The following AGPAT4 variants were observed in gnomAD, a reference collection of about 807,000 sequenced individuals.
The protein encoded by AGPAT4 is 1-acylglycerol-3-phosphate O-acyltransferase 4, also known as 1-acyl-sn-glycerol-3-phosphate acyltransferase delta.
A neutral mutation model predicts 48.0 loss-of-function variants in AGPAT4; 15 were observed. The ratio of observed to expected loss-of-function variants is 0.31; its 90% CI spans 0.21 to 0.48. AGPAT4 has a LOEUF of 0.48. AGPAT4 is among the 20% of genes least tolerant of loss of function. AGPAT4 has a pLI of 0.99. For synonymous variants in AGPAT4, 178 were observed against 198.7 expected (o/e 0.90, Z 0.88); for missense variants, 314 against 482.5 (o/e 0.65, Z 3.27).
At position 161,166,250 on chromosome 6, in the gene AGPAT4, C is replaced by T; in HGVS notation, c.346G>A (p.Gly116Arg). 6.2e-7 allele frequency: 1 copy of T among 1,613,882 alleles called. No homozygotes were observed. Among genetic ancestry groups the T allele is most frequent in the Non-Finnish European group, 8.5e-7 (1 of 1,179,892 alleles). ...GGGGGAATGCACTTCTGACTTACCC[C>T]TAACAGCCCAAAGCGTTCGGACAGG... is the stretch of plus-strand genomic sequence containing the variant. ...WSLSERFGLLGGSKVLAKKEL... is the reference protein window; with the variant it reads ...WSLSERFGLLRGSKVLAKKEL... The change falls in exon 3 of 9, where the codon GGG (glycine) becomes AGG (arginine). Residue 116 changes from glycine to arginine, a missense_variant and splice_region_variant. Coordinates refer to ENST00000320285, the MANE Select transcript of AGPAT4 (RefSeq NM_020133.3). The surrounding 1 kb of genome is among the most constrained non-coding windows in gnomAD (Gnocchi z 6.7).
rs879824384 is a variant in AGPAT4, at chr6:161,164,334, C to T, written c.348+1914G>A. Among the ~76,000 whole-genome samples the T allele has an allele frequency of 4.6e-5, 7 of 152,224 alleles. No individual in the cohort carries two copies. Among genetic ancestry groups the T allele is most frequent in the African/African-American group, 7.2e-5 (3 of 41,454 alleles). On this transcript the variant is annotated intron_variant, in intron 3 of 8. Coordinates refer to ENST00000320285, the MANE Select transcript of AGPAT4 (RefSeq NM_020133.3). This position sits in a 1 kb window ranked among gnomAD's most constrained non-coding sequence, Gnocchi z 7.4. ...GCTGGGCATCTGGGTGCTTCTCCAG[C>T]ATCTCTGTGCATGACCCTGCTCTGC...
rs1372474358 is a variant in AGPAT4, at chr6:161,244,400, A to ATACG, written c.-89-12099_-89-12098insCGTA. On this transcript the variant is annotated intron_variant, in intron 1 of 8. Coordinates refer to ENST00000320285, the MANE Select transcript of AGPAT4 (RefSeq NM_020133.3). This position sits in a 1 kb window ranked among gnomAD's most constrained non-coding sequence, Gnocchi z 4.7. ...AATATTTCAAAATACGACAAAAACA[A>ATACG]ATAATAAAAAGCCTTTAAAGTTAAG... Among the ~76,000 whole-genome samples the ATACG allele has an allele frequency of 2.6e-5, 4 of 152,324 alleles. No individual in the cohort carries two copies. The East Asian group carries it at 7.7e-4, about 29-fold the overall frequency.
rs926404290 is a variant in AGPAT4, at chr6:161,158,865, C to G, written c.349-4555G>C. Among the ~76,000 whole-genome samples, 8 of 152,214 alleles carry G rather than the reference C, an allele frequency of 5.3e-5. No individual in the cohort carries two copies. Among genetic ancestry groups the G allele is most frequent in the Non-Finnish European group, 1.2e-4 (8 of 68,036 alleles). ...GCAGGGTATCCTGCTCCTGCACCGC[C>G]TCCACCCCCACTAACACCAGCAAGG... On this transcript the variant is annotated intron_variant, in intron 3 of 8. Coordinates refer to ENST00000320285, the MANE Select transcript of AGPAT4 (RefSeq NM_020133.3). The surrounding 1 kb of genome is among the most constrained non-coding windows in gnomAD (Gnocchi z 5.3).
Position 161,201,198 on chromosome 6 carries a change from G to A in AGPAT4, c.178+30838C>T, listed in dbSNP as rs1781227996. Among the ~76,000 whole-genome samples, 1 of 152,130 alleles carries A rather than the reference G, an allele frequency of 6.6e-6. No homozygotes were observed. Among genetic ancestry groups the A allele is most frequent in the Admixed American group, 6.5e-5 (1 of 15,274 alleles). ...AGCTGGCAGGGGAGTGGGGATTGGA[G>A]GCTGTTCAAGAGAGACTTAATTCTG... On this transcript the variant is annotated intron_variant, in intron 2 of 8. Coordinates refer to ENST00000320285, the MANE Select transcript of AGPAT4 (RefSeq NM_020133.3). The surrounding 1 kb of genome is among the most constrained non-coding windows in gnomAD (Gnocchi z 6.0).
rs1161487125 is a variant in AGPAT4, at chr6:161,130,824, G to A, written c.*5716C>T. On this transcript the variant is annotated 3_prime_UTR_variant, in exon 9 of 9. Coordinates refer to ENST00000320285, the MANE Select transcript of AGPAT4 (RefSeq NM_020133.3). ...GCGTTGTGACTTAGACACTTTACAAGTCTGAGCCATCCCGTACTAGTTCAT... is the reference window on the plus strand; with the variant it reads ...GCGTTGTGACTTAGACACTTTACAAATCTGAGCCATCCCGTACTAGTTCAT... 1.9e-6 allele frequency: 1 copy of A among 518,784 alleles called. No individual in the cohort carries two copies. Among genetic ancestry groups the A allele is most frequent in the African/African-American group, 1.9e-5 (1 of 51,976 alleles). The allele number at this position is 518,784 out of a possible 1,614,324, so 32.1% of individuals were successfully genotyped here.
Position 161,156,874 on chromosome 6 carries a change from C to CCTAT in AGPAT4, c.349-2565_349-2564insATAG, listed in dbSNP as rs1455395006. On this transcript the variant is annotated intron_variant, in intron 3 of 8. Transcript: ENST00000320285. ...CAATCTGTGCCTTAAGGACATGCTC[C>CCTAT]TGCTGCAGTTAACTAGCCCAACCTA... Among the ~76,000 whole-genome samples the CCTAT allele has an allele frequency of 9.9e-3, 1,508 of 152,364 alleles. 27 individuals are homozygous for CCTAT. The highest frequency in any genetic ancestry group is 0.034 in the African/African-American group (1,432 of 41,584).
chr6:161,150,823 G>A (rs1432317429), intron 5 of AGPAT4, among the ~76,000 whole-genome samples: 2 of 152,236 alleles, frequency 1.3e-5, no homozygotes, highest in Admixed American at 6.5e-5. Context: ...CAGCTGTTCA[G>A]GCTGTGTGGA....
rs1779413999 is a variant in AGPAT4, at chr6:161,146,080, G to A, written c.843+444C>T. Among the ~76,000 whole-genome samples, 1 of 151,620 alleles carries A rather than the reference G, an allele frequency of 6.6e-6. No homozygotes were observed. Among genetic ancestry groups the A allele is most frequent in the Non-Finnish European group, 1.5e-5 (1 of 68,030 alleles). ...GAACAGGACAGGGGGCACCACAGCA[G>A]GTTCGAACCCAGCCAAGACCAAGGT... is the stretch of plus-strand genomic sequence containing the variant. On this transcript the variant is annotated intron_variant, in intron 7 of 8. Transcript: ENST00000320285. This position sits in a 1 kb window ranked among gnomAD's most constrained non-coding sequence, Gnocchi z 7.1.
chr6:161,241,254 A>T (rs979743168), intron 1 of AGPAT4, among the ~76,000 whole-genome samples: 1 of 133,722 alleles, frequency 7.5e-6, no homozygotes, highest in Non-Finnish European at 1.6e-5. Flanking sequence ...CAAGAGCAAA[A>T]CTCTGTCTCA....
intron 3 of AGPAT4, among the ~76,000 whole-genome samples, chr6:161,157,538 G>C (rs1967716): frequency 0.31 from 46,410 of 152,032 alleles, 9,102 homozygotes; most frequent in African/African-American, 0.56. Context: ...GTCTCTAACT[G>C]CTGACCTCAG....
At position 161,208,077 on chromosome 6, in the gene AGPAT4, T is replaced by A. The variant is rs934253053; in HGVS notation, c.178+23959A>T. On this transcript the variant is annotated intron_variant, in intron 2 of 8. Coordinates refer to ENST00000320285, the MANE Select transcript of AGPAT4 (RefSeq NM_020133.3). This position sits in a 1 kb window ranked among gnomAD's most constrained non-coding sequence, Gnocchi z 4.6. ...CCTAGGCTTCATTATTAATATTTCC[T>A]CCACCTCACAATCCTGTTAGTCTTG... Among the ~76,000 whole-genome samples, 3 of 152,112 alleles carry A rather than the reference T, an allele frequency of 2.0e-5. No homozygotes were observed. Among genetic ancestry groups the A allele is most frequent in the African/African-American group, 7.2e-5 (3 of 41,402 alleles).
Position 161,138,770 on chromosome 6 carries a change from AC to A in AGPAT4, c.1042+651del, listed in dbSNP as rs1481755283. Among the ~76,000 whole-genome samples, 1 of 152,084 alleles carries A rather than the reference AC, an allele frequency of 6.6e-6. No homozygotes were observed. The highest frequency in any genetic ancestry group is 1.5e-5 in the Non-Finnish European group (1 of 68,020). On this transcript the variant is annotated intron_variant, in intron 8 of 8. Transcript: ENST00000320285. The surrounding 1 kb of genome is among the most constrained non-coding windows in gnomAD (Gnocchi z 4.8). ...GGGAGACAGGGCCTTTCACAGGGAA[AC>A]CCCAAAGTCTTCCTTGGCTCCAGGA...
At chr6:161,271,086 T>C (rs1219149481) in intron 1 of AGPAT4, among the ~76,000 whole-genome samples, 3 of 152,212 alleles carry the variant, frequency 2.0e-5, no homozygotes, top group African/African-American at 7.2e-5. Flanking sequence ...TAACAGTCCT[T>C]CTTTTTCTGA....
At position 161,177,952 on chromosome 6, in the gene AGPAT4, G is replaced by A. The variant is rs1486831544; in HGVS notation, c.179-11535C>T. On this transcript the variant is annotated intron_variant, in intron 2 of 8. Coordinates refer to ENST00000320285, the MANE Select transcript of AGPAT4 (RefSeq NM_020133.3). This position sits in a 1 kb window ranked among gnomAD's most constrained non-coding sequence, Gnocchi z 5.0. Reference sequence around the variant, plus strand: ...GTTTATCTGGGTATCACCAGTGGAGGCTGCAGAACAGCAAATATTACAGAA... The same window carrying A: ...GTTTATCTGGGTATCACCAGTGGAGACTGCAGAACAGCAAATATTACAGAA... 6.6e-6 allele frequency among the ~76,000 whole-genome samples: 1 copy of A among 152,202 alleles called. No individual in the cohort carries two copies. Among genetic ancestry groups the A allele is most frequent in the Non-Finnish European group, 1.5e-5 (1 of 68,038 alleles).
intron 1 of AGPAT4, among the ~76,000 whole-genome samples, chr6:161,273,257 G>T (rs1317002658): frequency 1.3e-5 from 2 of 151,980 alleles, no homozygotes; most frequent in Non-Finnish European, 2.9e-5. Context: ...TTCATAGGCC[G>T]AAAATTAGGT....
Position 161,177,307 on chromosome 6 carries a change from A to T in AGPAT4, c.179-10890T>A, listed in dbSNP as rs911981620. Among the ~76,000 whole-genome samples the T allele has an allele frequency of 1.3e-5, 2 of 152,184 alleles. No individual in the cohort carries two copies. The highest frequency in any genetic ancestry group is 2.9e-5 in the Non-Finnish European group (2 of 68,040). The stretch of plus-strand genomic sequence containing the variant: ...TCAGACGTAGATTTGGTCTTTTCAC[A>T]TAGTCCCATATTTCTTGGAGGCTTT... On this transcript the variant is annotated intron_variant, in intron 2 of 8. Transcript: ENST00000320285. This position sits in a 1 kb window ranked among gnomAD's most constrained non-coding sequence, Gnocchi z 5.0.
In AGPAT4 at chr6:161,133,943, T is replaced by C. The variant is rs1309309268; in HGVS notation, c.*2597A>G. On this transcript the variant is annotated 3_prime_UTR_variant, in exon 9 of 9. Coordinates refer to ENST00000320285, the MANE Select transcript of AGPAT4 (RefSeq NM_020133.3). ...GGGAACCAAAGCAGTTGTTGTGTGCTGAGGAGATGGTGACCTCCGTGTGAC... is the reference window on the plus strand; with the variant it reads ...GGGAACCAAAGCAGTTGTTGTGTGCCGAGGAGATGGTGACCTCCGTGTGAC... 6.6e-6 allele frequency: 1 copy of C among 152,208 alleles called. No individual in the cohort carries two copies. Among genetic ancestry groups the C allele is most frequent in the East Asian group, 1.9e-4 (1 of 5,204 alleles). 9.4% of individuals were successfully genotyped at this position (152,208 alleles called of 1,614,324 possible). A position where few individuals can be genotyped will look rare whatever the true frequency, so the allele number is the denominator to read the frequency against.
rs1781866504 is a variant in AGPAT4 at position 161,222,709 on chromosome 6, T to C, written c.178+9327A>G. Among the ~76,000 whole-genome samples the C allele has an allele frequency of 6.6e-6, 1 of 152,196 alleles. No individual in the cohort carries two copies. The highest frequency in any genetic ancestry group is 2.1e-4 in the South Asian group (1 of 4,826). The stretch of plus-strand genomic sequence containing the variant: ...TTGAAATTTCTGAGGGATGGATACT[T>C]GGAGCCCATCTAGTGAGAGGGTCAA... On this transcript the variant is annotated intron_variant, in intron 2 of 8. Coordinates refer to ENST00000320285, the MANE Select transcript of AGPAT4 (RefSeq NM_020133.3). The surrounding 1 kb of genome is among the most constrained non-coding windows in gnomAD (Gnocchi z 5.9).
Position 161,202,524 on chromosome 6 carries a change from T to C in AGPAT4, c.178+29512A>G, listed in dbSNP as rs1420732372. Among the ~76,000 whole-genome samples the C allele has an allele frequency of 6.6e-6, 1 of 152,138 alleles. No homozygotes were observed. The highest frequency in any genetic ancestry group is 1.5e-5 in the Non-Finnish European group (1 of 68,024). ...AGAGTTACTAGCCCGCACTCAGGAG[T>C]TAGGGAAATGGGGTTTCACTTTTTT... On this transcript the variant is annotated intron_variant, in intron 2 of 8. Transcript: ENST00000320285. This position sits in a 1 kb window ranked among gnomAD's most constrained non-coding sequence, Gnocchi z 5.4.
Sources: allele counts gnomAD v4.1 joint callset (sites outside exome capture counted in the v4.1 genomes callset), GRCh38; gene constraint gnomAD v4.1.1; non-coding constraint Gnocchi (gnomAD v3.1); transcripts MANE v1.5; gene names NCBI Gene and HGNC (gene_info 2026-07-23, HGNC 2026-07-21).